Variants in ANKRD30B observed in about 807,000 individuals in gnomAD.
ANKRD30B encodes ankyrin repeat domain 30B.
ANKRD30B carries 144 observed loss-of-function variants against 202.2 expected under a neutral mutation model. The observed-to-expected ratio is 0.71, with a 90% confidence interval of 0.62 to 0.82. The LOEUF (loss-of-function observed/expected upper bound fraction) is 0.82. Among genes scored for constraint, ANKRD30B ranks in the 40% least tolerant of loss-of-function variants. ANKRD30B has a pLI of 0.00. For missense variants in ANKRD30B, 1,487 were observed against 1,669.1 expected (o/e 0.89, Z 1.90); for synonymous variants, 508 against 561.3 (o/e 0.91, Z 1.34).
rs774584228 is a variant in ANKRD30B, at chr18:14,808,582, A to G, written c.2313+3A>G. 1.3e-6 allele frequency: 2 copies of G among 1,554,672 alleles called. No homozygotes were observed. The highest frequency in any genetic ancestry group is 1.1e-5 in the South Asian group (1 of 88,016). On this transcript the variant is annotated splice_donor_region_variant and intron_variant, in intron 25 of 43. Coordinates refer to ENST00000690538, the MANE Select transcript of ANKRD30B (RefSeq NM_001367607.2). Reference sequence around the variant, plus strand: ...CTGATAAAGATGGTCTTCTGAAGGTAATTACTTTTATATTTCTATGTTGAA... The same window carrying G: ...CTGATAAAGATGGTCTTCTGAAGGTGATTACTTTTATATTTCTATGTTGAA...
the ANKRD30B span, among the ~76,000 whole-genome samples, chr18:14,871,390 G>C: frequency 1.3e-5 from 2 of 151,206 alleles, no homozygotes; most frequent in African/African-American, 4.9e-5. Context: ...GCATAGAAAG[G>C]TCAAGGAGTG....
chr18:14,790,396 A>G lies in ANKRD30B; in HGVS notation c.1735-1005A>G, dbSNP rs7336630. Among the ~76,000 whole-genome samples, 13 of 152,238 alleles carry G rather than the reference A, an allele frequency of 8.5e-5. No homozygotes were observed. The East Asian group carries it at 2.3e-3, about 27-fold the overall frequency. On this transcript the variant is annotated intron_variant, in intron 15 of 43. Transcript: ENST00000690538. ...TACCCTTTATTTCCTTCTCCTGCCT[A>G]AATGCCCTGGCCAGAACTTACAACA...
At chr18:14,874,273 A>G in the ANKRD30B span, among the ~76,000 whole-genome samples, 1 of 152,192 alleles carries the variant, frequency 6.6e-6, no homozygotes, top group African/African-American at 2.4e-5. Flanking sequence ...CATTTTATCA[A>G]ACATACTGAA....
the ANKRD30B span, among the ~76,000 whole-genome samples, chr18:14,885,242 A>G: frequency 1.3e-5 from 2 of 152,020 alleles, no homozygotes; most frequent in South Asian, 4.1e-4. Context: ...GCCTTGTGTT[A>G]TTTATGTGTA....
At chr18:14,850,427 C>A (rs1419591237) in intron 41 of ANKRD30B, 45 bp downstream of exon 41, 1 of 1,444,420 alleles carries the variant, frequency 6.9e-7, no homozygotes, top group Non-Finnish European at 9.2e-7. Flanking sequence ...GACTTTATTT[C>A]ATCAGTATTA....
the ANKRD30B span, among the ~76,000 whole-genome samples, chr18:14,867,014 G>C: frequency 1.3e-4 from 19 of 146,412 alleles, no homozygotes; most frequent in Admixed American, 1.2e-3. Flanking sequence ...ATGTTGCATT[G>C]TCCGTGGGGG....
the ANKRD30B span, among the ~76,000 whole-genome samples, chr18:14,892,142 C>T: frequency 6.6e-6 from 1 of 152,190 alleles, no homozygotes; most frequent in Non-Finnish European, 1.5e-5. Flanking sequence ...CTCTTTACTC[C>T]TGCCATTCCT....
the ANKRD30B span, among the ~76,000 whole-genome samples, chr18:14,871,205 T>G: frequency 2.9e-5 from 1 of 34,532 alleles, no homozygotes; most frequent in Admixed American, 4.2e-4. Flanking sequence ...ACCTGCCTGG[T>G]CCTGCTGCAC....
At chr18:14,856,122 A>G (rs1188036400), downstream of ANKRD30B, among the ~76,000 whole-genome samples, 302 of 71,258 alleles carry the variant, frequency 4.2e-3, no homozygotes, top group African/African-American at 5.4e-3. Flanking sequence ...AGACGGGGAG[A>G]CCAGGAAGAG....
At chr18:14,810,349 C>G (rs1297236157) in intron 28 of ANKRD30B, among the ~76,000 whole-genome samples, 169 bp downstream of exon 28, 2 of 151,254 alleles carry the variant, frequency 1.3e-5, no homozygotes, top group Admixed American at 1.3e-4. Context: ...CATTTAGAAG[C>G]ATAAGAATTA....
At chr18:14,890,167 T>A in the ANKRD30B span, 1 of 674,574 alleles carries the variant, frequency 1.5e-6, no homozygotes, top group East Asian at 2.8e-5. Flanking sequence ...CATTTGTTCT[T>A]ATTTCTGTTT....
chr18:14,914,687 C>T, the ANKRD30B span, among the ~76,000 whole-genome samples: 1 of 152,056 alleles, frequency 6.6e-6, no homozygotes, highest in East Asian at 1.9e-4. Flanking sequence ...GAGTTTCTAG[C>T]TTTTGTTACT....
chr18:14,778,706 A>T (rs758432487), intron 10 of ANKRD30B, among the ~76,000 whole-genome samples: 1 of 152,218 alleles, frequency 6.6e-6, no homozygotes, highest in Non-Finnish European at 1.5e-5. Flanking sequence ...TCAACAATGC[A>T]TGCTGTGATT....
chr18:14,786,216 G>A (rs948613879), intron 14 of ANKRD30B, among the ~76,000 whole-genome samples: 1 of 152,146 alleles, frequency 6.6e-6, no homozygotes, highest in African/African-American at 2.4e-5. Flanking sequence ...AAAGAAAACT[G>A]GAAGTTATTT....
At chr18:14,919,880 A>G in the ANKRD30B span, among the ~76,000 whole-genome samples, 2 of 152,208 alleles carry the variant, frequency 1.3e-5, no homozygotes, top group Non-Finnish European at 2.9e-5. Flanking sequence ...GCTGGGGCAG[A>G]AGTGGGGGCT....
chr18:14,885,030 A>G, the ANKRD30B span, among the ~76,000 whole-genome samples: 4 of 152,158 alleles, frequency 2.6e-5, no homozygotes, highest in Non-Finnish European at 5.9e-5. Flanking sequence ...AATTCAAACC[A>G]GAGAGACCAG....
At chr18:14,788,797 T>C (rs904113224) in intron 15 of ANKRD30B, among the ~76,000 whole-genome samples, 4 of 152,024 alleles carry the variant, frequency 2.6e-5, no homozygotes, top group African/African-American at 9.7e-5. Context: ...TCTATCATTG[T>C]TGGACATTTG....
At chr18:14,922,883 T>TAGAGGAA in the ANKRD30B span, among the ~76,000 whole-genome samples, 1 of 151,770 alleles carries the variant, frequency 6.6e-6, no homozygotes, top group Non-Finnish European at 1.5e-5. Flanking sequence ...TTGACAAGGG[T>TAGAGGAA]AGAGGAAAGA....
chr18:14,881,121 T>G, the ANKRD30B span, among the ~76,000 whole-genome samples: 1 of 152,180 alleles, frequency 6.6e-6, no homozygotes, highest in African/African-American at 2.4e-5. Flanking sequence ...TCCAGTACTA[T>G]GTTGAAGAGG....
Sources: gnomAD v4.1 joint callset for allele counts (sites outside exome capture counted in the v4.1 genomes callset) on GRCh38, gnomAD v4.1.1 for gene constraint, MANE v1.5 for transcripts, NCBI Gene and HGNC (gene_info 2026-07-23, HGNC 2026-07-21) for gene names.